GPR161: variants seen among roughly 807,000 people sequenced by gnomAD.
The protein encoded by GPR161 is G-protein coupled receptor RE2.
GPR161 carries 25 observed loss-of-function variants against 39.2 expected under a neutral mutation model. The ratio of observed to expected loss-of-function variants is 0.64; its 90% CI spans 0.47 to 0.89. The LOEUF (loss-of-function observed/expected upper bound fraction) is 0.89, where lower values mean the gene tolerates loss of function less well. Among genes scored for constraint, GPR161 ranks in the 40% least tolerant of loss-of-function variants. The pLI is 0.00. For synonymous variants in GPR161, 286 were observed against 276.6 expected, an observed-to-expected ratio of 1.03 and a Z score of -0.34; for missense variants, 547 against 677.8, an observed-to-expected ratio of 0.81 and a Z score of 2.14.
chr1:168,101,722 C>T (rs151222068), intron 2 of GPR161, among the ~76,000 whole-genome samples: 66 of 152,328 alleles, frequency 4.3e-4, no homozygotes, highest in Non-Finnish European at 6.6e-4. Context: ...TAGTGCAGTG[C>T]CTGGAATATG....
chr1:168,123,584 T>G (rs998617542), intron 1 of GPR161, among the ~76,000 whole-genome samples: 4 of 130,262 alleles, frequency 3.1e-5, no homozygotes, highest in Middle Eastern at 3.6e-3. Flanking sequence ...ACACACTTGT[T>G]TGCATGGAAG....
Position 168,084,997 on chromosome 1 carries a change from G to A in GPR161, c.*534C>T, listed in dbSNP as rs529625816. The A allele has an allele frequency of 1.5e-5, 7 of 456,264 alleles. No individual in the cohort carries two copies. The highest frequency in any genetic ancestry group is 3.1e-5 in the Non-Finnish European group (7 of 227,046). The allele number at this position is 456,264 out of a possible 1,614,324, so 28.3% of individuals were successfully genotyped here. On this transcript the variant is annotated 3_prime_UTR_variant, in exon 6 of 6. Coordinates refer to ENST00000682931, the MANE Select transcript of GPR161 (RefSeq NM_001375883.1). ...GTGCTTTCTCTGCGGACCAGTCCTA[G>A]AACTGAGGGTCCCACACTGCCCGCA...
intron 1 of GPR161, among the ~76,000 whole-genome samples, chr1:168,115,625 T>G (rs1231702870): frequency 6.6e-6 from 1 of 152,030 alleles, no homozygotes; most frequent in Non-Finnish European, 1.5e-5. Context: ...GAGGACATCC[T>G]AAGGGACAGC....
chr1:168,087,757 G>A, intron 4 of GPR161, 53 bp from the exon 5 acceptor site: 3 of 1,548,814 alleles, frequency 1.9e-6, no homozygotes, highest in Non-Finnish European at 2.6e-6. Context: ...AGTCCTCCTG[G>A]CCTCTTCTCC....
chr1:168,128,375 GA>G (rs1572385729), intron 1 of GPR161, among the ~76,000 whole-genome samples: 2 of 152,154 alleles, frequency 1.3e-5, no homozygotes, highest in African/African-American at 4.8e-5. Context: ...ACACCTGGGG[GA>G]TGCTATTGGC....
In GPR161 at chr1:168,087,576, G is replaced by T; in HGVS notation, c.1324+9C>A. On this transcript the variant is annotated intron_variant, in intron 5 of 5. Transcript: ENST00000682931. ...TGTTTTCTTGAAGCAATCAGTCACA[G>T]AAGCCAACCTTTGATTTGTTCCACT... is the stretch of plus-strand genomic sequence containing the variant. The T allele has an allele frequency of 1.5e-5, 24 of 1,614,082 alleles. No individual in the cohort carries two copies. Among genetic ancestry groups the T allele is most frequent in the Non-Finnish European group, 2.0e-5 (24 of 1,179,944 alleles).
chr1:168,096,001 G>A (rs1178193593), intron 3 of GPR161, among the ~76,000 whole-genome samples: 2 of 151,940 alleles, frequency 1.3e-5, no homozygotes, highest in Admixed American at 6.6e-5. Context: ...GGGTGTGGTG[G>A]TGCGTGCCTA....
chr1:168,117,195 A>T (rs964738455), intron 1 of GPR161, among the ~76,000 whole-genome samples: 1 of 152,238 alleles, frequency 6.6e-6, no homozygotes, highest in Non-Finnish European at 1.5e-5. Context: ...CCCAAGGCTC[A>T]GTCCTTAATC....
At chr1:168,112,654 C>T (rs947880441) in intron 1 of GPR161, among the ~76,000 whole-genome samples, 2 of 151,642 alleles carry the variant, frequency 1.3e-5, no homozygotes, top group Non-Finnish European at 2.9e-5. Flanking sequence ...GTCAGGAGTT[C>T]GGGACCAGCC....
At position 168,090,442 on chromosome 1, in the gene GPR161, C is replaced by A. The variant is rs74122627; in HGVS notation, c.1204+122G>T. 17 of 564,682 alleles carry A rather than the reference C, an allele frequency of 3.0e-5. 1 individual carries two copies. The highest frequency in any genetic ancestry group is 2.7e-4 in the Middle Eastern group (1 of 3,650). 35.0% of individuals were successfully genotyped at this position (564,682 alleles called of 1,614,324 possible). ...ACCCAGACTTATGATTCTCACCCCC[C>A]ACCCACCGTGGGAAATGCCCCTCCG... On this transcript the variant is annotated intron_variant, in intron 4 of 5. Transcript: ENST00000682931.
intron 2 of GPR161, among the ~76,000 whole-genome samples, chr1:168,099,687 C>G (rs1695899494): frequency 6.6e-6 from 1 of 152,188 alleles, no homozygotes; most frequent in Admixed American, 6.5e-5. Context: ...CCAGCTGCAT[C>G]CTGAGTGCCA....
chr1:168,113,895 TG>T (rs1697419380), intron 1 of GPR161, among the ~76,000 whole-genome samples: 2 of 152,178 alleles, frequency 1.3e-5, no homozygotes, highest in South Asian at 4.2e-4. Context: ...AGTACCTGGG[TG>T]ACAAAATAAT....
chr1:168,086,672 G>A (rs1448615140), intron 5 of GPR161, among the ~76,000 whole-genome samples: 1 of 152,178 alleles, frequency 6.6e-6, no homozygotes, highest in African/African-American at 2.4e-5. Flanking sequence ...GTGGGCTGGG[G>A]GGTTGGGGAG....
chr1:168,117,237 A>T (rs1697707464), intron 1 of GPR161, among the ~76,000 whole-genome samples: 1 of 152,206 alleles, frequency 6.6e-6, no homozygotes, highest in Non-Finnish European at 1.5e-5. Flanking sequence ...TTCCTTGAGA[A>T]TTTTATCATT....
Position 168,136,786 on chromosome 1 carries a change from C to T in GPR161, c.-92G>A, listed in dbSNP as rs1437928022. 2.0e-6 allele frequency: 2 copies of T among 987,032 alleles called. No individual in the cohort carries two copies. Among genetic ancestry groups the T allele is most frequent in the East Asian group, 1.1e-4 (1 of 8,938 alleles). The allele number at this position is 987,032 out of a possible 1,614,324, so 61.1% of individuals were successfully genotyped here. ...CTCAGGCCCCGGCCCAGCCGCCTCC[C>T]CGCCTCGGCCACCGCCGCCGCCGCT... On this transcript the variant is annotated 5_prime_UTR_variant, in exon 1 of 6. Coordinates refer to ENST00000682931, the MANE Select transcript of GPR161 (RefSeq NM_001375883.1).
intron 5 of GPR161, 84 bp downstream of exon 5, chr1:168,087,501 G>T: frequency 6.6e-7 from 1 of 1,510,788 alleles, no homozygotes; most frequent in Non-Finnish European, 9.2e-7. Context: ...TTCCGGGATG[G>T]GAGCCAGCCT....
Position 168,115,372 on chromosome 1 carries a change from C to T in GPR161, c.-44-10478G>A, listed in dbSNP as rs113869079. Among the ~76,000 whole-genome samples the T allele has an allele frequency of 9.1e-3, 1,383 of 152,206 alleles. 19 individuals are homozygous for T. The highest frequency in any genetic ancestry group is 0.032 in the African/African-American group (1,324 of 41,520). On this transcript the variant is annotated intron_variant, in intron 1 of 5. Transcript: ENST00000682931. ...CTCTTTGGACACTGGTACCAGAAGC[C>T]TTCCCTTTGTCAAGTTTAGGCCAAC...
rs1694266437 is a variant in GPR161, at chr1:168,084,184, G to A, written c.*1347C>T. 1 of 154,728 alleles carries A rather than the reference G, an allele frequency of 6.5e-6. No homozygotes were observed. The highest frequency in any genetic ancestry group is 6.3e-5 in the Admixed American group (1 of 15,868). The allele number at this position is 154,728 out of a possible 1,614,324, so 9.6% of individuals were successfully genotyped here. ...GTGACCCTGCCCCTCATGCATCTTGGTGGCTGGCATTCTATCCAGATTGTG... is the reference window on the plus strand; with the variant it reads ...GTGACCCTGCCCCTCATGCATCTTGATGGCTGGCATTCTATCCAGATTGTG... On this transcript the variant is annotated 3_prime_UTR_variant, in exon 6 of 6. Coordinates refer to ENST00000682931, the MANE Select transcript of GPR161 (RefSeq NM_001375883.1).
In GPR161 at chr1:168,136,816, T is replaced by A; in HGVS notation, c.-122A>T. 1 of 983,354 alleles carries A rather than the reference T, an allele frequency of 1.0e-6. No individual in the cohort carries two copies. The highest frequency in any genetic ancestry group is 1.2e-6 in the Non-Finnish European group (1 of 829,588). 60.9% of individuals were successfully genotyped at this position (983,354 alleles called of 1,614,324 possible). A position where few individuals can be genotyped will look rare whatever the true frequency, so the allele number is the denominator to read the frequency against. ...TCGGCCACCGCCGCCGCCGCTTCCT[T>A]CCTCCCCGCCGCGCTCCGGGACTGG... On this transcript the variant is annotated 5_prime_UTR_variant, in exon 1 of 6. Coordinates refer to ENST00000682931, the MANE Select transcript of GPR161 (RefSeq NM_001375883.1).
Sources: allele counts gnomAD v4.1 joint callset (sites outside exome capture counted in the v4.1 genomes callset), GRCh38; gene constraint gnomAD v4.1.1; transcripts MANE v1.5; gene names NCBI Gene and HGNC (gene_info 2026-07-23, HGNC 2026-07-21).